Variants in EPHA6 observed in about 807,000 individuals in gnomAD.
EPHA6 encodes EPH receptor A6, also known as ephrin type-A receptor 6.
A neutral mutation model predicts 112.0 loss-of-function variants in EPHA6; 50 were observed. The ratio of observed to expected loss-of-function variants is 0.45; its 90% CI spans 0.36 to 0.56. The LOEUF (loss-of-function observed/expected upper bound fraction) is 0.56, where lower values mean the gene tolerates loss of function less well. EPHA6 is among the 20% of genes least tolerant of loss of function. The probability of loss-of-function intolerance (pLI) is 0.00; values close to 1 mark genes in which losing one functional copy is unlikely to be tolerated. For synonymous variants in EPHA6, 529 were observed against 490.7 expected, an observed-to-expected ratio of 1.08 and a Z score of -1.03; for missense variants, 1,280 against 1,417.4, an observed-to-expected ratio of 0.90 and a Z score of 1.56.
At chr3:97,481,037 G>C in intron 9 of EPHA6, 1 of 396,702 alleles carries the variant, frequency 2.5e-6, no homozygotes, top group Non-Finnish European at 4.8e-6. Flanking sequence ...GATGATGGGC[G>C]GCCAGGCAGA....
intron 1 of EPHA6, among the ~76,000 whole-genome samples, chr3:96,836,681 A>G (rs974364225): frequency 6.6e-6 from 1 of 152,292 alleles, no homozygotes; most frequent in Middle Eastern, 3.4e-3. Flanking sequence ...CTTTTGAGTC[A>G]AAAAGAAGAG....
chr3:97,354,304 CTG>C (rs1282225553), intron 5 of EPHA6, among the ~76,000 whole-genome samples: 2 of 152,088 alleles, frequency 1.3e-5, no homozygotes, highest in African/African-American at 4.8e-5. Flanking sequence ...AATAAGGTAA[CTG>C]TGACCAATCT....
chr3:97,549,834 T>C (rs1425918922), intron 11 of EPHA6, among the ~76,000 whole-genome samples: 1 of 151,448 alleles, frequency 6.6e-6, no homozygotes, highest in Non-Finnish European at 1.5e-5. Context: ...TAAAATAAAA[T>C]AAAATAAATA....
At chr3:97,502,880 A>T (rs2107562011) in intron 10 of EPHA6, among the ~76,000 whole-genome samples, 1 of 143,192 alleles carries the variant, frequency 7.0e-6, no homozygotes, top group South Asian at 2.3e-4. Flanking sequence ...GTGGATTATT[A>T]TGCAGGATGG....
chr3:97,337,251 G>A (rs1401508531), intron 5 of EPHA6, among the ~76,000 whole-genome samples: 1 of 151,988 alleles, frequency 6.6e-6, no homozygotes, highest in East Asian at 1.9e-4. Context: ...AAGTGAATTT[G>A]CAACTTCTTC....
intron 5 of EPHA6, among the ~76,000 whole-genome samples, chr3:97,284,519 C>A (rs1483622362): frequency 6.6e-6 from 1 of 152,092 alleles, no homozygotes; most frequent in Non-Finnish European, 1.5e-5. Context: ...TAATTTTTAG[C>A]CATATGCTTG....
At chr3:97,026,551 G>C (rs2044645419) in intron 3 of EPHA6, among the ~76,000 whole-genome samples, 1 of 151,970 alleles carries the variant, frequency 6.6e-6, no homozygotes, top group Non-Finnish European at 1.5e-5. Flanking sequence ...CTGTGACTTG[G>C]CTGTAAGTCT....
At chr3:97,717,438 G>A (rs556408665) in intron 14 of EPHA6, among the ~76,000 whole-genome samples, 1 of 152,254 alleles carries the variant, frequency 6.6e-6, no homozygotes, top group African/African-American at 2.4e-5. Flanking sequence ...CAGTTCTAGA[G>A]GCTGGAAGTC....
chr3:96,917,605 C>G (rs768390587), intron 2 of EPHA6, among the ~76,000 whole-genome samples: 1 of 151,938 alleles, frequency 6.6e-6, no homozygotes, highest in African/African-American at 2.4e-5. Flanking sequence ...CTACTACCTA[C>G]AAACAACCAC....
At chr3:96,907,913 A>T (rs76598084) in intron 2 of EPHA6, among the ~76,000 whole-genome samples, 3,230 of 151,898 alleles carry the variant, frequency 0.021, 125 homozygotes, top group African/African-American at 0.074. Context: ...TAGTGACGGG[A>T]TATGTTTTGA....
At chr3:97,451,397 C>A (rs1391072388) in intron 7 of EPHA6, among the ~76,000 whole-genome samples, 1 of 151,752 alleles carries the variant, frequency 6.6e-6, no homozygotes, top group Non-Finnish European at 1.5e-5. Context: ...ACAATGGCAG[C>A]AGAAGATGGT....
chr3:96,927,082 A>G (rs1432420368), intron 2 of EPHA6, among the ~76,000 whole-genome samples: 1 of 152,206 alleles, frequency 6.6e-6, no homozygotes, highest in African/African-American at 2.4e-5. Flanking sequence ...AGGTTCCCGA[A>G]CCTTAATTCT....
intron 5 of EPHA6, among the ~76,000 whole-genome samples, chr3:97,319,779 A>G (rs756296154): frequency 1.3e-5 from 2 of 151,938 alleles, no homozygotes; most frequent in Non-Finnish European, 2.9e-5. Context: ...TACTGAAAGT[A>G]TTTCTATATC....
intron 14 of EPHA6, among the ~76,000 whole-genome samples, chr3:97,675,098 T>A (rs2031238205): frequency 6.6e-6 from 1 of 152,040 alleles, no homozygotes; most frequent in South Asian, 2.1e-4. Context: ...TAACAAAACG[T>A]GTAGAAAGCA....
Position 97,262,984 on chromosome 3 carries a change from A to G in EPHA6, c.1606+18697A>G, listed in dbSNP as rs190752573. Reference sequence around the variant, plus strand: ...AATTTATTAGCCACTTGCTAACTGGATGATCTAAATATGTCTATAATTTAG... The same window carrying G: ...AATTTATTAGCCACTTGCTAACTGGGTGATCTAAATATGTCTATAATTTAG... On this transcript the variant is annotated intron_variant, in intron 5 of 17. Transcript: ENST00000389672. Among the ~76,000 whole-genome samples the G allele has an allele frequency of 2.0e-3, 300 of 152,332 alleles. 2 individuals carry two copies. The highest frequency in any genetic ancestry group is 6.6e-3 in the African/African-American group (276 of 41,572).
chr3:97,637,479 C>A (rs1031710469), intron 13 of EPHA6, among the ~76,000 whole-genome samples: 4 of 152,048 alleles, frequency 2.6e-5, no homozygotes, highest in African/African-American at 9.7e-5. Context: ...TGCCCTTCTA[C>A]CCAGCTGTAC....
chr3:97,381,201 AAAAT>A (rs2085708403), intron 5 of EPHA6, among the ~76,000 whole-genome samples: 1 of 152,144 alleles, frequency 6.6e-6, no homozygotes, highest in Non-Finnish European at 1.5e-5. Context: ...AGAAATACAT[AAAAT>A]AAACATTTTC....
intron 5 of EPHA6, among the ~76,000 whole-genome samples, chr3:97,306,021 A>T (rs2081304087): frequency 6.6e-6 from 1 of 151,926 alleles, no homozygotes; most frequent in South Asian, 2.1e-4. Flanking sequence ...GGTATAAGGG[A>T]ATATATGGAC....
intron 14 of EPHA6, chr3:97,648,443 T>A: frequency 5.2e-6 from 7 of 1,349,466 alleles, no homozygotes; most frequent in Non-Finnish European, 6.7e-6. Flanking sequence ...TTAATGTGTA[T>A]TTTAAAGTTG....
Sources: allele counts gnomAD v4.1 joint callset (sites outside exome capture counted in the v4.1 genomes callset), GRCh38; gene constraint gnomAD v4.1.1; transcripts MANE v1.5; gene names NCBI Gene and HGNC (gene_info 2026-07-23, HGNC 2026-07-21).